Variants in PDCD2 observed in about 807,000 individuals in gnomAD.
PDCD2 encodes the protein uS5 assembly chaperone PDCD2.
PDCD2 carries 38 observed loss-of-function variants against 38.1 expected under a neutral mutation model. The ratio of observed to expected loss-of-function variants is 1.00; its 90% CI spans 0.77 to 1.31. The LOEUF (loss-of-function observed/expected upper bound fraction) is 1.31, where lower values mean the gene tolerates loss of function less well. Ranked by LOEUF, PDCD2 falls within the 50% of genes most tolerant of loss-of-function variation. The probability of loss-of-function intolerance (pLI) is 0.00; values close to 1 mark genes in which losing one functional copy is unlikely to be tolerated. For missense variants in PDCD2, 473 were observed against 435.7 expected (o/e 1.09, Z -0.76); for synonymous variants, 205 against 168.9 (o/e 1.21, Z -1.66).
chr6:170,583,653 G>A lies in PDCD2; in HGVS notation c.378C>T (p.Leu126=). The A allele has an allele frequency of 6.2e-7, 1 of 1,614,102 alleles. No homozygotes were observed. The highest frequency in any genetic ancestry group is 1.3e-5 in the African/African-American group (1 of 75,030). ...PPPETGESVC[L]QLKSGAHLCR... ...AGAGATGAGCACCAGACTTAAGCTG[G>A]AGACACACTGATTCTCCTGTTTCTG... The change falls in exon 2 of 6, where the codon CTC becomes CTT. Residue 126 remains leucine, a synonymous_variant. Coordinates refer to ENST00000541970, the MANE Select transcript of PDCD2 (RefSeq NM_002598.4).
intron 3 of PDCD2, among the ~76,000 whole-genome samples, chr6:170,580,876 A>G (rs1779575691): frequency 6.6e-6 from 1 of 152,184 alleles, no homozygotes; most frequent in African/African-American, 2.4e-5. Flanking sequence ...AGAAGCTAAA[A>G]TAACTGCTTT....
At position 170,583,097 on chromosome 6, in the gene PDCD2, A is replaced by G. The variant is rs778236042; in HGVS notation, c.618T>C (p.Val206=). Residue 206 remains valine (V), a synonymous_variant, in exon 3 of 6, where the codon GTT becomes GTC. Coordinates refer to ENST00000541970, the MANE Select transcript of PDCD2 (RefSeq NM_002598.4). ...IETEDEIMPE[V]VEKEDYSEII... ...TCTCTGAGTAATCTTCCTTTTCCAC[A>G]ACCTCAGGCATAATCTCATCTTCTG... The G allele has an allele frequency of 1.9e-6, 3 of 1,612,722 alleles. No individual in the cohort carries two copies. Among genetic ancestry groups the G allele is most frequent in the Non-Finnish European group, 2.5e-6 (3 of 1,179,154 alleles).
chr6:170,584,591 GGGCT>G lies in PDCD2; in HGVS notation c.-14_-11del, dbSNP rs1562371905. On this transcript the variant is annotated 5_prime_UTR_variant, in exon 1 of 6. Transcript: ENST00000541970. ...CCCCGGCGGCAGCCATGCGGGGCGC[GGGCT>G]GGCGTGGGGCGCAGCCCACAGCTGG... is the stretch of plus-strand genomic sequence containing the variant. 3.2e-6 allele frequency: 4 copies of G among 1,254,642 alleles called. No individual in the cohort carries two copies. Among genetic ancestry groups the G allele is most frequent in the Non-Finnish European group, 4.0e-6 (4 of 998,984 alleles). 77.7% of individuals were successfully genotyped at this position (1,254,642 alleles called of 1,614,324 possible). A position where few individuals can be genotyped will look rare whatever the true frequency, so the allele number is the denominator to read the frequency against.
chr6:170,577,390 C>T lies in PDCD2; in HGVS notation c.*169G>A, dbSNP rs913963414. 2.4e-5 allele frequency: 14 copies of T among 589,192 alleles called. No individual in the cohort carries two copies. Among genetic ancestry groups the T allele is most frequent in the Admixed American group, 1.8e-4 (6 of 32,714 alleles). 36.5% of individuals were successfully genotyped at this position (589,192 alleles called of 1,614,324 possible). On this transcript the variant is annotated 3_prime_UTR_variant, in exon 6 of 6. Coordinates refer to ENST00000541970, the MANE Select transcript of PDCD2 (RefSeq NM_002598.4). ...GGATGTACCAAAATTTATTTAATTC[C>T]CTGTCACTGGACACTTTTGTTTCAC...
rs749520124 is a variant in PDCD2, at chr6:170,583,148, A to G, written c.567T>C (p.Phe189=). The change falls in exon 3 of 6, where the codon TTT becomes TTC. Residue 189 remains phenylalanine (F), a synonymous_variant. Transcript: ENST00000541970. ...TTTCTATTACAATTTCAAATTCTGG[A>G]AAAAGGAAGTTGTGGTCTGGAATTA... is the stretch of plus-strand genomic sequence containing the variant. ...DHIIPDHNFL[F]PEFEIVIETE... 4.3e-6 allele frequency: 7 copies of G among 1,611,810 alleles called. No individual in the cohort carries two copies. The highest frequency in any genetic ancestry group is 5.9e-6 in the Non-Finnish European group (7 of 1,178,660).
chr6:170,579,199 A>G, intron 4 of PDCD2: 1 of 486,418 alleles, frequency 2.1e-6, no homozygotes, highest in South Asian at 3.3e-5. Context: ...ATCAAAATAT[A>G]TCTCCCAGAT....
chr6:170,583,255 C>G, intron 2 of PDCD2, 67 bp from the exon 3 acceptor site: 2 of 1,153,692 alleles, frequency 1.7e-6, no homozygotes, highest in Non-Finnish European at 2.5e-6. Context: ...AATTTGCTGT[C>G]TCTAAAGTAC....
intron 3 of PDCD2, chr6:170,582,727 G>A (rs559599110): frequency 3.0e-4 from 371 of 1,244,900 alleles, no homozygotes; most frequent in Non-Finnish European, 3.5e-4. Flanking sequence ...CTGCGTGCCC[G>A]ACACTGTGCT....
chr6:170,582,494 A>G, intron 3 of PDCD2: 18 of 1,369,452 alleles, frequency 1.3e-5, no homozygotes, highest in Non-Finnish European at 1.7e-5. Flanking sequence ...AAAATGGGGC[A>G]GTTTCTCACT....
chr6:170,584,103 A>G, intron 1 of PDCD2, 196 bp downstream of exon 1: 1 of 538,456 alleles, frequency 1.9e-6, no homozygotes, highest in Non-Finnish European at 3.0e-6. Flanking sequence ...GCGTGGGCAC[A>G]GTTAGAAGCT....
In PDCD2 at chr6:170,583,248, T is replaced by C. The variant is rs1583144019; in HGVS notation, c.527-60A>G. On this transcript the variant is annotated intron_variant, in intron 2 of 5. Coordinates refer to ENST00000541970, the MANE Select transcript of PDCD2 (RefSeq NM_002598.4). The stretch of plus-strand genomic sequence containing the variant: ...TTAGTTTTGAAGACAGTCTAATAAT[T>C]TGCTGTCTCTAAAGTACTATATTCC... 3 of 1,241,680 alleles carry C rather than the reference T, an allele frequency of 2.4e-6. No homozygotes were observed. The East Asian group carries it at 6.9e-5, about 29-fold the overall frequency. The allele number at this position is 1,241,680 out of a possible 1,614,324, so 76.9% of individuals were successfully genotyped here. A position where few individuals can be genotyped will look rare whatever the true frequency, so the allele number is the denominator to read the frequency against.
chr6:170,581,530 T>C (rs1454088413), intron 3 of PDCD2: 5 of 152,842 alleles, frequency 3.3e-5, no homozygotes, highest in South Asian at 2.1e-4. Flanking sequence ...GATATGACCA[T>C]GTTCCCACAT....
chr6:170,583,482 G>T, intron 2 of PDCD2, 23 bp downstream of exon 2: 1 of 1,592,238 alleles, frequency 6.3e-7, no homozygotes, highest in Non-Finnish European at 8.6e-7. Flanking sequence ...ACTGAACTGA[G>T]ACTTAAAAAA....
chr6:170,582,113 C>G (rs559652433), intron 3 of PDCD2: 124 of 1,531,664 alleles, frequency 8.1e-5, no homozygotes, highest in Non-Finnish European at 1.1e-4. Flanking sequence ...CGGCCCCTTC[C>G]AGGCAGTCTT....
In PDCD2 at chr6:170,583,601, T is replaced by G. The variant is rs761545534; in HGVS notation, c.430A>C (p.Lys144Gln). The G allele has an allele frequency of 1.8e-5, 29 of 1,613,894 alleles. No homozygotes were observed. Among genetic ancestry groups the G allele is most frequent in the Non-Finnish European group, 2.3e-5 (27 of 1,179,896 alleles). Reference sequence around the variant, plus strand: ...GCTTTGTGGCATCTGGAGCACGTTTTGGGGCCTAAACAGCCACAAACCCTG... The same window carrying G: ...GCTTTGTGGCATCTGGAGCACGTTTGGGGGCCTAAACAGCCACAAACCCTG... ...LCRVCGCLGP[K>Q]TCSRCHKAYY... is the part of the protein sequence containing the mutation. Residue 144 changes from lysine (K) to glutamine (Q), a missense_variant, in exon 2 of 6, where the codon AAA becomes CAA. Physicochemically the swap from Lys to Gln is moderately conservative, Grantham distance 53. Coordinates refer to ENST00000541970, the MANE Select transcript of PDCD2 (RefSeq NM_002598.4).
At position 170,577,635 on chromosome 6, in the gene PDCD2, C is replaced by T. The variant is rs377003096; in HGVS notation, c.959G>A (p.Cys320Tyr). The change falls in exon 6 of 6, where the codon TGT (cysteine) becomes TAT (tyrosine). Residue 320 changes from cysteine to tyrosine, a missense_variant. Physicochemically the swap from Cys to Tyr is radical, Grantham distance 194. Coordinates refer to ENST00000541970, the MANE Select transcript of PDCD2 (RefSeq NM_002598.4). ...IDWGILAVFT[C>Y]AESCSLGTGY... ...AGTACCCAAGCTGCAGCTCTCAGCA[C>T]AGGTGAAGACAGCCAGGATGCCCCA... The T allele has an allele frequency of 1.5e-5, 25 of 1,613,908 alleles. No homozygotes were observed. Among genetic ancestry groups the T allele is most frequent in the Non-Finnish European group, 2.1e-5 (25 of 1,179,998 alleles).
intron 1 of PDCD2, 31 bp downstream of exon 1, chr6:170,584,268 G>A (rs1562371130): frequency 7.2e-7 from 1 of 1,381,608 alleles, no homozygotes; most frequent in Non-Finnish European, 9.3e-7. Flanking sequence ...TCGGAGGCAT[G>A]GCCCCGTCCC....
chr6:170,581,149 A>C (rs1181294776), intron 3 of PDCD2: 1 of 152,188 alleles, frequency 6.6e-6, no homozygotes, highest in Non-Finnish European at 1.5e-5. Context: ...AAGTGGAAAT[A>C]CTATAATGAA....
chr6:170,584,327 G>C lies in PDCD2; in HGVS notation c.255C>G (p.Arg85=). 1 of 1,499,146 alleles carries C rather than the reference G, an allele frequency of 6.7e-7. No individual in the cohort carries two copies. Among genetic ancestry groups the C allele is most frequent in the Non-Finnish European group, 8.9e-7 (1 of 1,129,902 alleles). 92.9% of individuals were successfully genotyped at this position (1,499,146 alleles called of 1,614,324 possible). The part of the protein sequence containing the change: ...FHRCIFLFCC[R]EQPCCAGLRV... ...GCAGGCCGGCACAGCACGGCTGCTC[G>C]CGGCAGCAGAAGAGGAAGATGCAGC... Residue 85 remains arginine, a synonymous_variant, in exon 1 of 6, where the codon CGC becomes CGG. Coordinates refer to ENST00000541970, the MANE Select transcript of PDCD2 (RefSeq NM_002598.4).
Sources: gnomAD v4.1 joint callset for allele counts (sites outside exome capture counted in the v4.1 genomes callset) on GRCh38, gnomAD v4.1.1 for gene constraint, MANE v1.5 for transcripts, NCBI Gene and HGNC (gene_info 2026-07-23, HGNC 2026-07-21) for gene names.